WNT2B: variants seen among roughly 807,000 people sequenced by gnomAD.
WNT2B encodes Wnt family member 2B.
Under a neutral mutation model 40.5 loss-of-function variants are expected in WNT2B, and 19 were observed. The observed-to-expected ratio is 0.47, with a 90% CI of 0.33 to 0.69. WNT2B has a LOEUF of 0.69. Among genes scored for constraint, WNT2B ranks in the 30% least tolerant of loss-of-function variants. WNT2B has a pLI of 0.02. For missense variants in WNT2B, 467 were observed against 556.4 expected (o/e 0.84, Z 1.62); for synonymous variants, 220 against 211.9 (o/e 1.04, Z -0.33).
In WNT2B at chr1:112,515,854, C is replaced by G. The variant is rs575440551; in HGVS notation, c.404-286C>G. On this transcript the variant is annotated intron_variant, in intron 2 of 4. Transcript: ENST00000369684. The surrounding 1 kb of genome is among the most constrained non-coding windows in gnomAD (Gnocchi z 4.4). ...GGGGATGATTCACCAGGAGACTTTTCAATGGATGGACACAGGGAATTTGGC... is the reference window on the plus strand; with the variant it reads ...GGGGATGATTCACCAGGAGACTTTTGAATGGATGGACACAGGGAATTTGGC... 2.3e-4 allele frequency among the ~76,000 whole-genome samples: 35 copies of G among 152,148 alleles called. No homozygotes were observed. Among genetic ancestry groups the G allele is most frequent in the Non-Finnish European group, 4.3e-4 (29 of 68,038 alleles).
In WNT2B at chr1:112,516,148, G is replaced by C; in HGVS notation, c.412G>C (p.Glu138Gln). 1 of 1,611,262 alleles carries C rather than the reference G, an allele frequency of 6.2e-7. No homozygotes were observed. The highest frequency in any genetic ancestry group is 8.5e-7 in the Non-Finnish European group (1 of 1,177,730). ...FGRVMLRSSREAAFVYAISSA... is the reference protein window; with the variant it reads ...FGRVMLRSSRQAAFVYAISSA... ...TACAATTCTCTCTCTAGGTAGCCGA[G>C]AGGCAGCTTTTGTATATGCCATCTC... Residue 138 changes from glutamate to glutamine, a missense_variant, in exon 3 of 5, where the codon GAG (glutamate) becomes CAG (glutamine). Coordinates refer to ENST00000369684, the MANE Select transcript of WNT2B (RefSeq NM_024494.3).
chr1:112,479,772 C>T (rs533633282), intron 1 of WNT2B, among the ~76,000 whole-genome samples: 2 of 151,880 alleles, frequency 1.3e-5, no homozygotes, highest in African/African-American at 2.4e-5. Context: ...AGCGCAGTGT[C>T]GCATCTCTGC....
chr1:112,499,862 T>C (rs978565885), intron 1 of WNT2B, among the ~76,000 whole-genome samples: 2 of 152,028 alleles, frequency 1.3e-5, no homozygotes, highest in East Asian at 1.9e-4. Flanking sequence ...CTTCTCAGTA[T>C]GTTCAGGAGA....
chr1:112,524,344 C>T lies in WNT2B; in HGVS notation c.*3835C>T, dbSNP rs951925763. The T allele has an allele frequency of 2.6e-5, 4 of 152,674 alleles. No homozygotes were observed. Among genetic ancestry groups the T allele is most frequent in the East Asian group, 3.9e-4 (2 of 5,182 alleles). 9.5% of individuals were successfully genotyped at this position (152,674 alleles called of 1,614,324 possible). On this transcript the variant is annotated 3_prime_UTR_variant, in exon 5 of 5. Transcript: ENST00000369684. ...CAAGCTAGCTGGGGCGAAGGGAGGA[C>T]GCCAGGGAGAGTATGTTTCTCATCC...
At chr1:112,503,669 G>A (rs1342822948) in intron 1 of WNT2B, among the ~76,000 whole-genome samples, 1 of 152,102 alleles carries the variant, frequency 6.6e-6, no homozygotes, top group Non-Finnish European at 1.5e-5. Context: ...GGAGAGACAG[G>A]GAGTGACACA....
intron 1 of WNT2B, chr1:112,490,977 G>A (rs1651583265): frequency 6.2e-7 from 1 of 1,601,910 alleles, no homozygotes; most frequent in African/African-American, 1.3e-5. Flanking sequence ...CATTTATTAT[G>A]TTAAATTGCG....
rs1653791617 is a variant in WNT2B, at chr1:112,528,306, A to G, written c.*7797A>G. Reference sequence around the variant, plus strand: ...TTTCAAGCAAGTACACATTATATACACTGGGGAATACAGAGAAATTAGAAT... The same window carrying G: ...TTTCAAGCAAGTACACATTATATACGCTGGGGAATACAGAGAAATTAGAAT... On this transcript the variant is annotated 3_prime_UTR_variant, in exon 5 of 5. Coordinates refer to ENST00000369684, the MANE Select transcript of WNT2B (RefSeq NM_024494.3). The G allele has an allele frequency of 6.6e-6, 1 of 152,228 alleles. No homozygotes were observed. Among genetic ancestry groups the G allele is most frequent in the Non-Finnish European group, 1.5e-5 (1 of 68,038 alleles). The allele number at this position is 152,228 out of a possible 1,614,324, so 9.4% of individuals were successfully genotyped here.
At chr1:112,496,657 A>G (rs1219925472) in intron 1 of WNT2B, among the ~76,000 whole-genome samples, 4 of 151,720 alleles carry the variant, frequency 2.6e-5, no homozygotes, top group Admixed American at 2.0e-4. Flanking sequence ...CTGGAGCGCA[A>G]TGGTATGATC....
At chr1:112,488,714 G>A (rs1651500407) in intron 1 of WNT2B, among the ~76,000 whole-genome samples, 1 of 151,820 alleles carries the variant, frequency 6.6e-6, no homozygotes, top group Non-Finnish European at 1.5e-5. Flanking sequence ...ACCATGCCCG[G>A]CTAATTTTTT....
At chr1:112,467,526 A>G (rs1570755987) in exon 1 of WNT2B, 3 of 780,696 alleles carry the variant, frequency 3.8e-6, no homozygotes, top group Non-Finnish European at 4.8e-6. Flanking sequence ...CTCCTATATC[A>G]CACTTTCCCA....
chr1:112,484,272 CATATAT>C (rs60819225), intron 1 of WNT2B, among the ~76,000 whole-genome samples: 15,309 of 121,554 alleles, frequency 0.13, 1,275 homozygotes, highest in East Asian at 0.35. Flanking sequence ...TATATATACA[CATATAT>C]ATATATATAT....
At chr1:112,496,908 CATTTCT>C (rs1421811045) in intron 1 of WNT2B, among the ~76,000 whole-genome samples, 1 of 152,168 alleles carries the variant, frequency 6.6e-6, no homozygotes, top group Non-Finnish European at 1.5e-5. Flanking sequence ...CCAGGACTTA[CATTTCT>C]AGTCCAAACT....
At chr1:112,491,134 GCA>G in intron 1 of WNT2B, 1 of 1,551,894 alleles carries the variant, frequency 6.4e-7, no homozygotes, top group Non-Finnish European at 8.8e-7. Context: ...AAATTGGCCT[GCA>G]CGGTGGCTCG....
chr1:112,494,091 CCTG>C (rs1369822475), intron 1 of WNT2B, among the ~76,000 whole-genome samples: 44 of 151,218 alleles, frequency 2.9e-4, no homozygotes, highest in Middle Eastern at 3.4e-3. Flanking sequence ...GGGTGGATTG[CCTG>C]AGATCAGGAG....
At chr1:112,477,281 T>G (rs1424866189) in intron 1 of WNT2B, among the ~76,000 whole-genome samples, 1 of 152,094 alleles carries the variant, frequency 6.6e-6, no homozygotes, top group Non-Finnish European at 1.5e-5. Context: ...TTATAGAGAG[T>G]ATGCTGCTGT....
At position 112,501,047 on chromosome 1, in the gene WNT2B, G is replaced by T. The variant is rs55633098; in HGVS notation, c.-94-13827G>T. Reference sequence around the variant, plus strand: ...AGTTATAATATTACATTTACTTGTCGTGTCTCCTTAGGCGCCTCTTGGCTG... The same window carrying T: ...AGTTATAATATTACATTTACTTGTCTTGTCTCCTTAGGCGCCTCTTGGCTG... On this transcript the variant is annotated intron_variant, in intron 1 of 4. Transcript: ENST00000256640. Among the ~76,000 whole-genome samples the T allele has an allele frequency of 8.0e-3, 1,209 of 152,074 alleles. 4 individuals are homozygous for T. The highest frequency in any genetic ancestry group is 0.012 in the Non-Finnish European group (832 of 67,998).
rs142136108 is a variant in WNT2B, at chr1:112,470,978, A to G, written c.-95+3387A>G. ...GTGTGGCACCATCCTTTTCCTGAGG[A>G]GTAGTAGTTCATGTGGGCCAGGGTA... On this transcript the variant is annotated intron_variant, in intron 1 of 4. Transcript: ENST00000256640. 5.3e-5 allele frequency among the ~76,000 whole-genome samples: 8 copies of G among 152,098 alleles called. No homozygotes were observed. In the East Asian group the frequency reaches 1.5e-3, roughly 29 times the overall value.
rs71584740 is a variant in WNT2B at position 112,488,718 on chromosome 1, AT to A, written c.-95+21136del. ...AGGCGCTCGCCACCATGCCCGGCTA[AT>A]TTTTTTTTGTATTTTTAATAAAGAC... is the stretch of plus-strand genomic sequence containing the variant. On this transcript the variant is annotated intron_variant, in intron 1 of 4. Transcript: ENST00000256640. 2.4e-3 allele frequency among the ~76,000 whole-genome samples: 361 copies of A among 150,682 alleles called. 1 individual carries two copies. Among genetic ancestry groups the A allele is most frequent in the African/African-American group, 8.4e-3 (343 of 41,076 alleles).
upstream of WNT2B, among the ~76,000 whole-genome samples, chr1:112,505,171 G>A (rs927030633): frequency 6.6e-6 from 1 of 152,190 alleles, no homozygotes; most frequent in African/African-American, 2.4e-5. Context: ...TGACTCTGCT[G>A]GCTGGGTGGA....
Sources: allele counts gnomAD v4.1 joint callset (sites outside exome capture counted in the v4.1 genomes callset), GRCh38; gene constraint gnomAD v4.1.1; non-coding constraint Gnocchi (gnomAD v3.1); transcripts MANE v1.5; gene names NCBI Gene and HGNC (gene_info 2026-07-23, HGNC 2026-07-21).